Variants in ADAMTS9 observed in about 807,000 individuals in gnomAD.
ADAMTS9 encodes the protein ADAM metallopeptidase with thrombospondin type 1 motif 9.
ADAMTS9 carries 107 observed loss-of-function variants against 257.1 expected under a neutral mutation model. The ratio of observed to expected loss-of-function variants is 0.42; its 90% CI spans 0.36 to 0.49. ADAMTS9 has a LOEUF of 0.49. ADAMTS9 is among the 20% of genes least tolerant of loss of function. The probability of loss-of-function intolerance (pLI) is 0.03; values close to 1 mark genes in which losing one functional copy is unlikely to be tolerated. For synonymous variants in ADAMTS9, 982 were observed against 880.9 expected (o/e 1.11, Z -2.03); for missense variants, 2,353 against 2,469.1 (o/e 0.95, Z 1.00).
chr3:64,540,984 AAT>A, intron 36 of ADAMTS9, 109 bp downstream of exon 36: 2 of 1,397,658 alleles, frequency 1.4e-6, no homozygotes, highest in Non-Finnish European at 2.0e-6. Context: ...GCCAATGTGC[AAT>A]GTGCAATGTG....
rs2084100425 is a variant in ADAMTS9, at chr3:64,584,657, C to T, written c.4356+9601G>A. 2.0e-5 allele frequency among the ~76,000 whole-genome samples: 3 copies of T among 152,136 alleles called. No homozygotes were observed. The South Asian group carries it at 6.2e-4, about 32-fold the overall frequency. On this transcript the variant is annotated intron_variant, in intron 28 of 39. Transcript: ENST00000498707. ...TAAAGTAACTTATTTTGAAAATTTTCCAACTTATAGAAAGATTGCAAGAAC... is the reference window on the plus strand; with the variant it reads ...TAAAGTAACTTATTTTGAAAATTTTTCAACTTATAGAAAGATTGCAAGAAC...
At chr3:64,683,534 T>A (rs1275063440) in intron 2 of ADAMTS9, among the ~76,000 whole-genome samples, 1 of 152,122 alleles carries the variant, frequency 6.6e-6, no homozygotes, top group African/African-American at 2.4e-5. Context: ...TTTTTGTCAG[T>A]AAAATGTGTT....
At chr3:64,600,620 T>C (rs1420315453) in intron 26 of ADAMTS9, among the ~76,000 whole-genome samples, 1 of 152,246 alleles carries the variant, frequency 6.6e-6, no homozygotes, top group Non-Finnish European at 1.5e-5. Flanking sequence ...CATGAGACAC[T>C]CGGTGATTAC....
chr3:64,543,342 G>A lies in ADAMTS9; in HGVS notation c.5065-1372C>T, dbSNP rs543710716. ...AAGAGAATTTTAGACCAATATCCCTGATGAACATCGATGCAAAAATCCTTC... is the reference window on the plus strand; with the variant it reads ...AAGAGAATTTTAGACCAATATCCCTAATGAACATCGATGCAAAAATCCTTC... On this transcript the variant is annotated intron_variant, in intron 32 of 39. Coordinates refer to ENST00000498707, the MANE Select transcript of ADAMTS9 (RefSeq NM_182920.2). 9.9e-5 allele frequency among the ~76,000 whole-genome samples: 15 copies of A among 152,284 alleles called. No homozygotes were observed. The South Asian group carries it at 1.2e-3, about 13-fold the overall frequency.
intron 17 of ADAMTS9, 35 bp downstream of exon 17, chr3:64,622,385 A>G: frequency 1.2e-6 from 2 of 1,613,016 alleles, no homozygotes; most frequent in Non-Finnish European, 1.7e-6. Flanking sequence ...GCCAAGCAGA[A>G]GAAAAGGGTG....
intron 22 of ADAMTS9, among the ~76,000 whole-genome samples, chr3:64,607,965 G>A (rs1399360727): frequency 5.9e-5 from 9 of 151,900 alleles, no homozygotes; most frequent in African/African-American, 1.9e-4. Context: ...GCAAGAAATC[G>A]GTAATAGAAG....
chr3:64,526,874 T>C (rs371937577), intron 38 of ADAMTS9, among the ~76,000 whole-genome samples: 4 of 152,356 alleles, frequency 2.6e-5, no homozygotes, highest in African/African-American at 9.6e-5. Flanking sequence ...GCTATTATCA[T>C]AAAGGTATTT....
chr3:64,631,311 T>C (rs1321269462), intron 16 of ADAMTS9, 144 bp downstream of exon 16: 5 of 664,530 alleles, frequency 7.5e-6, no homozygotes, highest in Non-Finnish European at 1.3e-5. Flanking sequence ...AGAAATACAA[T>C]GGTGAATTTT....
At chr3:64,621,316 G>C (rs975324650) in intron 18 of ADAMTS9, 76 bp from the exon 19 acceptor site, 3 of 1,477,566 alleles carry the variant, frequency 2.0e-6, no homozygotes, top group Non-Finnish European at 2.7e-6. Flanking sequence ...GGATTGGCAA[G>C]CATTTTCTCT....
intron 3 of ADAMTS9, among the ~76,000 whole-genome samples, chr3:64,675,894 T>C (rs1701613559): frequency 1.3e-5 from 2 of 152,200 alleles, no homozygotes; most frequent in Admixed American, 1.3e-4. Context: ...TGATCCCATA[T>C]GCACATAAGA....
chr3:64,613,709 G>C (rs1234971228), intron 21 of ADAMTS9, among the ~76,000 whole-genome samples, 200 bp from the exon 22 acceptor site: 1 of 151,916 alleles, frequency 6.6e-6, no homozygotes, highest in East Asian at 1.9e-4. Flanking sequence ...TATAGTCTCT[G>C]GGCCAGTTTT....
rs1243929975 is a variant in ADAMTS9 at position 64,601,965 on chromosome 3, C to T, written c.3996G>A (p.Trp1332Ter). ...TCACTGCTCCCCAGGGGCCAGTTCT[C>T]CACTGGTTTCCACCGAGCACATGGG... ...SRTHVLGGNQ[W>*]RTGPWGACSS... The change falls in exon 26 of 40, where the codon TGG (tryptophan) becomes TGA (stop). Residue 1332 changes from tryptophan (W) to a stop codon, truncating the protein, a stop_gained. Transcript: ENST00000498707. LOFTEE classifies it high-confidence loss of function. 6.2e-7 allele frequency: 1 copy of T among 1,610,680 alleles called. No individual in the cohort carries two copies. Among genetic ancestry groups the T allele is most frequent in the South Asian group, 1.1e-5 (1 of 90,626 alleles).
rs569326046 is a variant in ADAMTS9, at chr3:64,549,558, TTCACTCTCTAAG to T, written c.4869+1322_4869+1333del. ...GTAAAGATCAGAACCATGTCTCCTC[TTCACTCTCTAAG>T]GGCATGCGGTACTACTCAGGGCATA... On this transcript the variant is annotated intron_variant, in intron 31 of 39. Coordinates refer to ENST00000498707, the MANE Select transcript of ADAMTS9 (RefSeq NM_182920.2). Among the ~76,000 whole-genome samples the T allele has an allele frequency of 1.6e-4, 25 of 152,238 alleles. No individual in the cohort carries two copies. In the South Asian group the frequency reaches 5.0e-3, roughly 30 times the overall value.
chr3:64,622,882 T>C (rs74721736), intron 16 of ADAMTS9, among the ~76,000 whole-genome samples: 9 of 152,318 alleles, frequency 5.9e-5, no homozygotes, highest in African/African-American at 2.2e-4. Context: ...CTTGATCTTG[T>C]TATACAAGAC....
intron 4 of ADAMTS9, 41 bp from the exon 5 acceptor site, chr3:64,655,916 C>T (rs374292344): frequency 1.8e-5 from 24 of 1,328,876 alleles, no homozygotes; most frequent in Middle Eastern, 2.7e-4. Context: ...TTGTGAACTC[C>T]GTGTAAGCAA....
intron 30 of ADAMTS9, among the ~76,000 whole-genome samples, chr3:64,555,487 C>T (rs1476694893): frequency 6.6e-6 from 1 of 152,182 alleles, no homozygotes; most frequent in East Asian, 1.9e-4. Flanking sequence ...TTAGGACACC[C>T]AGGGTGGCAG....
At chr3:64,522,897 GT>G (rs1308447800) in intron 38 of ADAMTS9, among the ~76,000 whole-genome samples, 2 of 152,052 alleles carry the variant, frequency 1.3e-5, no homozygotes, top group Non-Finnish European at 2.9e-5. Flanking sequence ...ACAAAGGATT[GT>G]GATTATTATG....
At position 64,613,339 on chromosome 3, in the gene ADAMTS9, A is replaced by G. The variant is rs767387204; in HGVS notation, c.3354+6T>C. On this transcript the variant is annotated splice_donor_region_variant and intron_variant, in intron 22 of 39. Coordinates refer to ENST00000498707, the MANE Select transcript of ADAMTS9 (RefSeq NM_182920.2). ...TAGCAGTTAAGAATCTTATCGTTCA[A>G]AATACCTGTCCCCAGGGACCCGCCT... 1 of 1,612,958 alleles carries G rather than the reference A, an allele frequency of 6.2e-7. No homozygotes were observed.
chr3:64,595,759 G>C (rs558363900), intron 27 of ADAMTS9, among the ~76,000 whole-genome samples: 6 of 152,012 alleles, frequency 3.9e-5, no homozygotes, highest in African/African-American at 1.5e-4. Context: ...TTCAGCCAAG[G>C]ATGTGGACTA....
Sources: allele counts gnomAD v4.1 joint callset (sites outside exome capture counted in the v4.1 genomes callset), GRCh38; gene constraint gnomAD v4.1.1; transcripts MANE v1.5; gene names NCBI Gene and HGNC (gene_info 2026-07-23, HGNC 2026-07-21).